TANC1: variants seen among roughly 807,000 people sequenced by gnomAD.
TANC1 encodes the protein tetratricopeptide repeat, ankyrin repeat and coiled-coil containing 1.
Under a neutral mutation model 149.7 loss-of-function variants are expected in TANC1, and 77 were observed. That is an observed-to-expected ratio of 0.51 (90% CI 0.43 to 0.62). TANC1 has a LOEUF of 0.62. Ranked by LOEUF, TANC1 falls within the 20% of genes least tolerant of loss-of-function variation. TANC1 has a pLI of 0.00. For missense variants in TANC1, 1,985 were observed against 2,321.8 expected (o/e 0.85, Z 2.98); for synonymous variants, 854 against 925.0 (o/e 0.92, Z 1.39).
chr2:159,126,086 C>A (rs2049419553), intron 4 of TANC1, among the ~76,000 whole-genome samples: 1 of 152,160 alleles, frequency 6.6e-6, no homozygotes, highest in Non-Finnish European at 1.5e-5. Context: ...AGCAAGCTTA[C>A]CCAGATAATC....
chr2:159,024,600 A>G (rs1191030701), intron 2 of TANC1, among the ~76,000 whole-genome samples: 1 of 152,056 alleles, frequency 6.6e-6, no homozygotes, highest in East Asian at 1.9e-4. Context: ...AAAATATAAA[A>G]ATTAGCTGGG....
At chr2:159,053,441 G>A (rs557946684) in intron 2 of TANC1, among the ~76,000 whole-genome samples, 108 of 152,310 alleles carry the variant, frequency 7.1e-4, no homozygotes, top group Non-Finnish European at 1.4e-3. Flanking sequence ...TGATGTCATT[G>A]CTTTAGCTAT....
At chr2:159,053,896 CCAGGTCACA>C (rs1033534648) in intron 2 of TANC1, among the ~76,000 whole-genome samples, 29 of 152,224 alleles carry the variant, frequency 1.9e-4, no homozygotes, top group African/African-American at 7.0e-4. Context: ...CATGGTGCCT[CCAGGTCACA>C]CATGGACAGC....
intron 2 of TANC1, among the ~76,000 whole-genome samples, chr2:159,005,380 C>T (rs1165802049): frequency 6.6e-6 from 1 of 152,154 alleles, no homozygotes; most frequent in East Asian, 1.9e-4. Context: ...TGCTTGACCT[C>T]TGGAGTTTGA....
intron 16 of TANC1, among the ~76,000 whole-genome samples, chr2:159,191,162 G>T (rs1456912030): frequency 6.6e-6 from 1 of 151,860 alleles, no homozygotes; most frequent in Non-Finnish European, 1.5e-5. Context: ...GTGGTCAGGT[G>T]GTTGGCTGGC....
rs1234492098 is a variant in TANC1 at position 159,097,658 on chromosome 2, C to T, written c.83C>T (p.Thr28Ile). ...KEAGSDFGPE[T>I]SPVLHLDHSA... ...CTAGGAAGTGACTTTGGTCCAGAGA[C>T]TTCTCCAGTCCTGCACCTTGACCAC... The change falls in exon 4 of 27, where the codon ACT (threonine) becomes ATT (isoleucine). Residue 28 changes from threonine to isoleucine, a missense_variant. Coordinates refer to ENST00000263635, the MANE Select transcript of TANC1 (RefSeq NM_033394.3). 2 of 1,613,934 alleles carry T rather than the reference C, an allele frequency of 1.2e-6. No individual in the cohort carries two copies. Among genetic ancestry groups the T allele is most frequent in the African/African-American group, 2.7e-5 (2 of 74,932 alleles).
chr2:159,215,017 A>G (rs1230704559), intron 19 of TANC1, among the ~76,000 whole-genome samples: 1 of 152,146 alleles, frequency 6.6e-6, no homozygotes, highest in Non-Finnish European at 1.5e-5. Flanking sequence ...CTGGTCTGTG[A>G]TGAGGCCACT....
At position 159,227,821 on chromosome 2, in the gene TANC1, A is replaced by G; in HGVS notation, c.3906A>G (p.Lys1302=). Residue 1302 remains lysine, a splice_region_variant and synonymous_variant, in exon 25 of 27, where the codon AAA becomes AAG. Coordinates refer to ENST00000263635, the MANE Select transcript of TANC1 (RefSeq NM_033394.3). ...LMEEGNVMYK[K]GKMKEAAQRY... ...TGTTTGTGATTTTTGAATCCTAGAA[A>G]GGGAAAATGAAAGAGGCAGCCCAGA... 1 of 1,613,312 alleles carries G rather than the reference A, an allele frequency of 6.2e-7. No homozygotes were observed. The highest frequency in any genetic ancestry group is 8.5e-7 in the Non-Finnish European group (1 of 1,179,820).
chr2:159,014,283 T>C (rs1035017121), intron 2 of TANC1, among the ~76,000 whole-genome samples: 3 of 152,154 alleles, frequency 2.0e-5, no homozygotes, highest in African/African-American at 4.8e-5. Flanking sequence ...CTTATGTGAA[T>C]GGCAGAGAAT....
chr2:159,219,674 A>C lies in TANC1; in HGVS notation c.3503-18A>C. 6.2e-7 allele frequency: 1 copy of C among 1,614,126 alleles called. No individual in the cohort carries two copies. The highest frequency in any genetic ancestry group is 1.1e-5 in the South Asian group (1 of 91,076). ...CATCTCATAATGTTCATGTTCTGTG[A>C]ATGGGCTTTCCTTTCAGGTGCAGCC... is the stretch of plus-strand genomic sequence containing the variant. On this transcript the variant is annotated intron_variant, in intron 21 of 26. Coordinates refer to ENST00000263635, the MANE Select transcript of TANC1 (RefSeq NM_033394.3).
chr2:159,004,137 C>T, intron 2 of TANC1: 4 of 1,612,248 alleles, frequency 2.5e-6, no homozygotes, highest in Non-Finnish European at 3.4e-6. Context: ...CACAGAAATG[C>T]TTCCTGGAAT....
At chr2:159,098,873 T>C (rs187509351) in intron 4 of TANC1, among the ~76,000 whole-genome samples, 21 of 152,184 alleles carry the variant, frequency 1.4e-4, no homozygotes, top group Admixed American at 1.2e-3. Context: ...AAAAGGCGGA[T>C]AATTTGGGGC....
At chr2:159,157,015 G>T (rs2053515273) in intron 7 of TANC1, among the ~76,000 whole-genome samples, 2 of 152,246 alleles carry the variant, frequency 1.3e-5, no homozygotes, top group African/African-American at 4.8e-5. Context: ...ACACAGGTGA[G>T]CACTGAGCTA....
At chr2:159,003,604 G>GA (rs1301588433) in intron 2 of TANC1, among the ~76,000 whole-genome samples, 3 of 152,216 alleles carry the variant, frequency 2.0e-5, no homozygotes, top group African/African-American at 7.2e-5. Flanking sequence ...GGAAGTCACA[G>GA]AAAATAATGT....
intron 2 of TANC1, among the ~76,000 whole-genome samples, chr2:159,020,176 G>T (rs975282683): frequency 1.3e-4 from 20 of 152,266 alleles, no homozygotes; most frequent in African/African-American, 4.8e-4. Flanking sequence ...GGAGTGCAGT[G>T]GCACGATCTC....
At chr2:158,998,609 G>A (rs940835467) in intron 1 of TANC1, among the ~76,000 whole-genome samples, 1 of 152,198 alleles carries the variant, frequency 6.6e-6, no homozygotes, top group African/African-American at 2.4e-5. Flanking sequence ...GCACAGATGT[G>A]TGTGATTGGG....
intron 2 of TANC1, among the ~76,000 whole-genome samples, chr2:159,043,295 T>C (rs2040799274): frequency 6.6e-6 from 1 of 152,120 alleles, no homozygotes; most frequent in East Asian, 1.9e-4. Flanking sequence ...CAGCTTTCTA[T>C]GGTCATCTTC....
intron 4 of TANC1, among the ~76,000 whole-genome samples, chr2:159,128,428 T>A (rs2049718073): frequency 6.6e-6 from 1 of 152,192 alleles, no homozygotes; most frequent in Non-Finnish European, 1.5e-5. Flanking sequence ...AGTTACTTAA[T>A]CCCCTTCTGC....
chr2:159,178,581 T>C lies in TANC1; in HGVS notation c.1928T>C (p.Val643Ala). The change falls in exon 14 of 27, where the codon GTC becomes GCC. Residue 643 changes from valine (V) to alanine (A), a missense_variant. By Grantham distance (64) the Val-to-Ala change is moderately conservative. This residue lies in a region of TANC1 where 508 missense variants were observed against 714.2 expected (regional missense o/e 0.71). Coordinates refer to ENST00000263635, the MANE Select transcript of TANC1 (RefSeq NM_033394.3). ...FQEIISALPFVKLSLDDFPDN... is the reference protein window; with the variant it reads ...FQEIISALPFAKLSLDDFPDN... ...GAAATCATAAGTGCGCTGCCATTTG[T>C]CAAGCTTTCCTTAGATGACTTCCCA... is the stretch of plus-strand genomic sequence containing the variant. 1 of 1,591,018 alleles carries C rather than the reference T, an allele frequency of 6.3e-7. No individual in the cohort carries two copies. Among genetic ancestry groups the C allele is most frequent in the Non-Finnish European group, 8.6e-7 (1 of 1,168,628 alleles).
Sources: allele counts gnomAD v4.1 joint callset (sites outside exome capture counted in the v4.1 genomes callset), GRCh38; gene constraint gnomAD v4.1.1; regional missense constraint gnomAD v4.1.1; transcripts MANE v1.5; gene names NCBI Gene and HGNC (gene_info 2026-07-23, HGNC 2026-07-21).